CCDC158: variants seen among roughly 807,000 people sequenced by gnomAD.
The protein encoded by CCDC158 is coiled-coil domain containing 158, also known as coiled-coil domain-containing protein 158.
Under a neutral mutation model 138.6 loss-of-function variants are expected in CCDC158, and 116 were observed. The observed-to-expected ratio is 0.84, with a 90% CI of 0.72 to 0.98. The LOEUF is 0.98. CCDC158 is among the 50% of genes least tolerant of loss of function. The probability of loss-of-function intolerance (pLI) is 0.00; values close to 1 mark genes in which losing one functional copy is unlikely to be tolerated. For missense variants in CCDC158, 1,265 were observed against 1,306.1 expected (o/e 0.97, Z 0.48); for synonymous variants, 436 against 442.4 (o/e 0.99, Z 0.18).
At chr4:76,386,639 C>T (rs1431910807) in intron 4 of CCDC158, among the ~76,000 whole-genome samples, 1 of 152,242 alleles carries the variant, frequency 6.6e-6, no homozygotes, top group Non-Finnish European at 1.5e-5. Context: ...ACACCCTCCA[C>T]CATTAAAAAT....
At chr4:76,402,150 C>T (rs1287514424) in intron 3 of CCDC158, 2 of 152,014 alleles carry the variant, frequency 1.3e-5, no homozygotes, top group African/African-American at 4.8e-5. Context: ...CTGAGATAGA[C>T]CATTAAATTG....
intron 1 of CCDC158, among the ~76,000 whole-genome samples, chr4:76,416,050 A>C (rs1729672110): frequency 6.6e-6 from 1 of 152,064 alleles, no homozygotes; most frequent in South Asian, 2.1e-4. Flanking sequence ...CATCCTGTTC[A>C]CCTGGCTCTG....
intron 18 of CCDC158, among the ~76,000 whole-genome samples, chr4:76,347,078 G>A (rs1722624385): frequency 6.6e-6 from 1 of 152,146 alleles, no homozygotes; most frequent in Admixed American, 6.5e-5. Context: ...CACTGTTGGT[G>A]GAAGTGTAAA....
intron 20 of CCDC158, among the ~76,000 whole-genome samples, chr4:76,331,679 A>C (rs1300832199): frequency 6.6e-6 from 1 of 152,188 alleles, no homozygotes; most frequent in Non-Finnish European, 1.5e-5. Context: ...ACAAAAATAA[A>C]TGAACTTTTG....
chr4:76,368,453 G>T (rs1724904899), intron 11 of CCDC158, among the ~76,000 whole-genome samples: 2 of 152,298 alleles, frequency 1.3e-5, no homozygotes, highest in South Asian at 4.1e-4. Flanking sequence ...CCAGAGAGTA[G>T]GTTAATGGCT....
intron 2 of CCDC158, among the ~76,000 whole-genome samples, chr4:76,408,638 A>C (rs1245198108): frequency 6.6e-6 from 1 of 152,182 alleles, no homozygotes; most frequent in Non-Finnish European, 1.5e-5. Flanking sequence ...ATAGTGCCGC[A>C]ATAAAAACAC....
At chr4:76,401,095 T>A (rs111680715) in intron 3 of CCDC158, among the ~76,000 whole-genome samples, 5 of 151,578 alleles carry the variant, frequency 3.3e-5, no homozygotes, top group African/African-American at 1.2e-4. Flanking sequence ...TCTAAGCCAT[T>A]TAAGTGTTTA....
rs1232769440 is a variant in CCDC158, at chr4:76,344,535, G to T, written c.2664+6461C>A. The stretch of plus-strand genomic sequence containing the variant: ...CCAGTGCCTGATGTGCCCCAGCTGG[G>T]AAGCTGATGAATAGCTGACATCTGT... On this transcript the variant is annotated intron_variant, in intron 18 of 24. Transcript: ENST00000682701. 11 of 925,632 alleles carry T rather than the reference G, an allele frequency of 1.2e-5. No homozygotes were observed. In the South Asian group the frequency reaches 1.4e-4, roughly 12 times the overall value. 57.3% of individuals were successfully genotyped at this position (925,632 alleles called of 1,614,324 possible).
intron 23 of CCDC158, among the ~76,000 whole-genome samples, chr4:76,324,133 C>T (rs1470476579): frequency 6.6e-6 from 1 of 151,648 alleles, no homozygotes; most frequent in African/African-American, 2.4e-5. Flanking sequence ...TTACAGCATT[C>T]AAGGCAATTA....
chr4:76,386,449 G>A (rs1726796411), intron 4 of CCDC158, among the ~76,000 whole-genome samples: 3 of 148,434 alleles, frequency 2.0e-5, no homozygotes. Context: ...AGTAACCAAT[G>A]GAATCCTCTA....
intron 18 of CCDC158, among the ~76,000 whole-genome samples, chr4:76,335,790 C>T (rs917778742): frequency 3.9e-5 from 6 of 152,160 alleles, no homozygotes; most frequent in Admixed American, 2.0e-4. Flanking sequence ...CCTGGATGAT[C>T]TCAAACTCCT....
intron 3 of CCDC158, among the ~76,000 whole-genome samples, chr4:76,398,216 G>C (rs1481016444): frequency 1.3e-5 from 2 of 152,154 alleles, no homozygotes; most frequent in African/African-American, 2.4e-5. Flanking sequence ...ATCTTTAGTT[G>C]ATGCTAAAGC....
Position 76,357,431 on chromosome 4 carries a change from A to G in CCDC158, c.2116T>C (p.Ser706Pro), listed in dbSNP as rs747804689. The change falls in exon 14 of 25, where the codon TCT (serine) becomes CCT (proline). Residue 706 changes from serine to proline, a missense_variant. Transcript: ENST00000682701. The part of the protein sequence containing the change: ...KLKMQLKSAQ[S>P]ELEQTRNTLK... ...GTATTTCTTGTCTGTTCTAGTTCAG[A>G]CTGTGCAGATTTTAATTGCATTTTC... The G allele has an allele frequency of 6.2e-7, 1 of 1,606,046 alleles. No individual in the cohort carries two copies. Among genetic ancestry groups the G allele is most frequent in the South Asian group, 1.1e-5 (1 of 88,892 alleles).
chr4:76,368,638 G>C (rs1357594406), intron 11 of CCDC158, among the ~76,000 whole-genome samples: 2 of 152,132 alleles, frequency 1.3e-5, no homozygotes, highest in African/African-American at 4.8e-5. Flanking sequence ...TGCTACTGGA[G>C]GGTGCACCGG....
intron 11 of CCDC158, 31 bp from the exon 12 acceptor site, chr4:76,367,807 ATTTGGG>A (rs771271792): frequency 6.4e-7 from 1 of 1,569,602 alleles, no homozygotes; most frequent in East Asian, 2.3e-5. Flanking sequence ...AATTTCATAG[ATTTGGG>A]AGGATAGGTA....
intron 9 of CCDC158, among the ~76,000 whole-genome samples, chr4:76,371,913 G>A (rs1240472351): frequency 6.7e-6 from 1 of 149,650 alleles, no homozygotes; most frequent in African/African-American, 2.5e-5. Context: ...ACTTCAGCCT[G>A]GGTGACAAAA....
chr4:76,357,879 G>A (rs1052235602), intron 13 of CCDC158, among the ~76,000 whole-genome samples: 10 of 151,976 alleles, frequency 6.6e-5, no homozygotes, highest in African/African-American at 2.2e-4. Context: ...GAATCTCCAT[G>A]ACACTATAAG....
At position 76,313,138 on chromosome 4, in the gene CCDC158, C is replaced by T. The variant is rs541803268; in HGVS notation, c.*32G>A. On this transcript the variant is annotated 3_prime_UTR_variant, in exon 25 of 25. Coordinates refer to ENST00000682701, the MANE Select transcript of CCDC158 (RefSeq NM_001394954.1). ...AGTAACACCACAATTAATTGGGCCTCATTCCTCTGTAAAGAATAGGCAAGC... is the reference window on the plus strand; with the variant it reads ...AGTAACACCACAATTAATTGGGCCTTATTCCTCTGTAAAGAATAGGCAAGC... 105 of 1,427,900 alleles carry T rather than the reference C, an allele frequency of 7.4e-5. 2 individuals carry two copies. In the South Asian group the frequency reaches 1.2e-3, roughly 17 times the overall value. The allele number at this position is 1,427,900 out of a possible 1,614,324, so 88.5% of individuals were successfully genotyped here. A position where few individuals can be genotyped will look rare whatever the true frequency, so the allele number is the denominator to read the frequency against.
Position 76,357,419 on chromosome 4 carries a change from G to C in CCDC158, c.2128C>G (p.Gln710Glu), listed in dbSNP as rs1723680765. 8 of 1,601,526 alleles carry C rather than the reference G, an allele frequency of 5.0e-6. No homozygotes were observed. The highest frequency in any genetic ancestry group is 6.8e-6 in the Non-Finnish European group (8 of 1,174,840). ...QLKSAQSELE[Q>E]TRNTLKSMEG... ...ATTGACTTTAATGTATTTCTTGTCT[G>C]TTCTAGTTCAGACTGTGCAGATTTT... Residue 710 changes from glutamine to glutamate, a missense_variant, in exon 14 of 25, where the codon CAG (glutamine) becomes GAG (glutamate). Physicochemically the swap from Gln to Glu is conservative, Grantham distance 29 (BLOSUM62 2). Coordinates refer to ENST00000682701, the MANE Select transcript of CCDC158 (RefSeq NM_001394954.1).
Sources: allele counts gnomAD v4.1 joint callset (sites outside exome capture counted in the v4.1 genomes callset), GRCh38; gene constraint gnomAD v4.1.1; transcripts MANE v1.5; gene names NCBI Gene and HGNC (gene_info 2026-07-23, HGNC 2026-07-21).